Variants in ARHGAP26 observed in about 807,000 individuals in gnomAD.
ARHGAP26 encodes Rho GTPase activating protein 26, also known as rho GTPase-activating protein 26.
Under a neutral mutation model 104.8 loss-of-function variants are expected in ARHGAP26, and 38 were observed. The observed-to-expected ratio is 0.36, with a 90% confidence interval of 0.28 to 0.48. ARHGAP26 has a LOEUF of 0.48. Among genes scored for constraint, ARHGAP26 ranks in the 20% least tolerant of loss-of-function variants. ARHGAP26 has a pLI of 0.99. For missense variants in ARHGAP26, 704 were observed against 947.9 expected (o/e 0.74, Z 3.38); for synonymous variants, 341 against 340.0 (o/e 1.00, Z -0.03).
At chr5:143,182,905 T>C (rs1804591229) in intron 20 of ARHGAP26, among the ~76,000 whole-genome samples, 1 of 152,122 alleles carries the variant, frequency 6.6e-6, no homozygotes. Flanking sequence ...CTCCTAATCC[T>C]GTGTGACATA....
intron 20 of ARHGAP26, chr5:143,165,089 C>T (rs1432571308): frequency 6.6e-6 from 1 of 152,180 alleles, no homozygotes; most frequent in Non-Finnish European, 1.5e-5. Flanking sequence ...GCCCGTGTGC[C>T]GAACTAGGAA....
chr5:142,888,294 G>C (rs1758006696), intron 5 of ARHGAP26, among the ~76,000 whole-genome samples: 1 of 152,156 alleles, frequency 6.6e-6, no homozygotes, highest in Non-Finnish European at 1.5e-5. Context: ...GTCTCTATCT[G>C]GGGAGGGATG....
chr5:142,820,167 A>T (rs530567851), intron 1 of ARHGAP26, among the ~76,000 whole-genome samples: 1 of 152,338 alleles, frequency 6.6e-6, no homozygotes, highest in South Asian at 2.1e-4. Context: ...TGAGGAGTGC[A>T]GGTGGTTCTC....
chr5:142,786,474 G>C (rs575715080), intron 1 of ARHGAP26, among the ~76,000 whole-genome samples: 2 of 151,598 alleles, frequency 1.3e-5, no homozygotes, highest in Non-Finnish European at 2.9e-5. Flanking sequence ...GTTTAAAAAA[G>C]TGTTTTTAGA....
At chr5:143,039,133 C>A (rs1783082379) in intron 13 of ARHGAP26, among the ~76,000 whole-genome samples, 2 of 152,030 alleles carry the variant, frequency 1.3e-5, no homozygotes, top group South Asian at 4.2e-4. Flanking sequence ...TACTGTTTCC[C>A]TTTGACTCAT....
intron 1 of ARHGAP26, among the ~76,000 whole-genome samples, chr5:142,815,366 T>A (rs1207149090): frequency 1.3e-5 from 2 of 152,212 alleles, no homozygotes; most frequent in Admixed American, 1.3e-4. Flanking sequence ...TTATGCTTGC[T>A]TTTCTATTTC....
chr5:142,978,794 A>G (rs1773510540), intron 11 of ARHGAP26, among the ~76,000 whole-genome samples: 1 of 151,458 alleles, frequency 6.6e-6, no homozygotes, highest in Non-Finnish European at 1.5e-5. Flanking sequence ...CAAGATAAAA[A>G]ATTGGGGGAA....
chr5:143,041,963 G>A (rs1783534123), intron 14 of ARHGAP26, 73 bp downstream of exon 14: 2 of 1,293,494 alleles, frequency 1.5e-6, no homozygotes, highest in Non-Finnish European at 2.2e-6. Flanking sequence ...CCAGGTCTGT[G>A]AGTAGATACA....
At chr5:142,876,843 C>A (rs1756193264) in intron 3 of ARHGAP26, among the ~76,000 whole-genome samples, 1 of 149,908 alleles carries the variant, frequency 6.7e-6, no homozygotes, top group Admixed American at 6.6e-5. Flanking sequence ...AACCTCTTAC[C>A]TTTTGCCCTA....
rs115542403 is a variant in ARHGAP26, at chr5:143,027,937, C to T, written c.1145-9259C>T. ...ATTTCTACAAGTGCACTCTTGTTCA[C>T]TGGAGTTGAGAGCCGCTACTGGAAT... On this transcript the variant is annotated intron_variant, in intron 12 of 22. Transcript: ENST00000645722. Among the ~76,000 whole-genome samples the T allele has an allele frequency of 8.6e-3, 1,302 of 152,202 alleles. 9 individuals carry two copies. Among genetic ancestry groups the T allele is most frequent in the Non-Finnish European group, 0.013 (868 of 68,010 alleles).
chr5:143,014,666 G>C (rs895734733), intron 12 of ARHGAP26, among the ~76,000 whole-genome samples: 1 of 152,212 alleles, frequency 6.6e-6, no homozygotes, highest in Non-Finnish European at 1.5e-5. Context: ...TCTGTAGACT[G>C]TAGTGCATTT....
intron 20 of ARHGAP26, among the ~76,000 whole-genome samples, chr5:143,200,194 G>A (rs558856900): frequency 6.6e-6 from 1 of 152,298 alleles, no homozygotes; most frequent in South Asian, 2.1e-4. Context: ...CAATGTTGGT[G>A]GGGTAATGGT....
intron 5 of ARHGAP26, among the ~76,000 whole-genome samples, chr5:142,887,961 T>C (rs904029646): frequency 1.3e-5 from 2 of 151,912 alleles, no homozygotes; most frequent in African/African-American, 4.8e-5. Flanking sequence ...TGAGACTCTT[T>C]CTCAAAAAAA....
intron 21 of ARHGAP26, among the ~76,000 whole-genome samples, chr5:143,210,682 AC>A (rs1423931095): frequency 2.6e-5 from 4 of 151,882 alleles, no homozygotes; most frequent in Admixed American, 2.0e-4. Context: ...ACCCCTTTCC[AC>A]CTGCCAGTCT....
rs56852430 is a variant in ARHGAP26, at chr5:143,085,044, CAAAAA to C, written c.1538+27316_1538+27320del. On this transcript the variant is annotated intron_variant, in intron 17 of 22. Transcript: ENST00000645722. The stretch of plus-strand genomic sequence containing the variant: ...TGGGCAACAGAGCAAGACTCCATCT[CAAAAA>C]AAAAAAAAAAAAAAAAAAGAAACGC... Among the ~76,000 whole-genome samples, 51 of 61,638 alleles carry C rather than the reference CAAAAA, an allele frequency of 8.3e-4. 1 individual carries two copies. Among genetic ancestry groups the C allele is most frequent in the South Asian group, 6.4e-3 (14 of 2,196 alleles). The allele number at this position is 61,638 out of a possible 152,430, so 40.4% of individuals were successfully genotyped here. A position where few individuals can be genotyped will look rare whatever the true frequency, so the allele number is the denominator to read the frequency against.
At chr5:142,897,702 G>A (rs1348298269) in intron 6 of ARHGAP26, among the ~76,000 whole-genome samples, 1 of 152,222 alleles carries the variant, frequency 6.6e-6, no homozygotes, top group African/African-American at 2.4e-5. Context: ...CGTGCTAAGC[G>A]CTTTACCTAC....
At chr5:143,158,819 T>C (rs1336072339) in intron 20 of ARHGAP26, among the ~76,000 whole-genome samples, 2 of 152,230 alleles carry the variant, frequency 1.3e-5, no homozygotes, top group Non-Finnish European at 2.9e-5. Flanking sequence ...TATTACCTCT[T>C]GTTGCCCTAT....
At chr5:142,912,114 A>G (rs1761912654) in intron 9 of ARHGAP26, among the ~76,000 whole-genome samples, 1 of 152,216 alleles carries the variant, frequency 6.6e-6, no homozygotes, top group Admixed American at 6.5e-5. Flanking sequence ...ACAAATTCCT[A>G]AGTGACAGTA....
intron 11 of ARHGAP26, among the ~76,000 whole-genome samples, chr5:142,949,220 AG>A (rs377329657): frequency 0.062 from 1,066 of 17,176 alleles, 201 homozygotes; most frequent in East Asian, 0.22. Context: ...AGAGAGAGAG[AG>A]GAGAGAGAGA....
Sources: gnomAD v4.1 joint callset for allele counts (sites outside exome capture counted in the v4.1 genomes callset) on GRCh38, gnomAD v4.1.1 for gene constraint, MANE v1.5 for transcripts, NCBI Gene and HGNC (gene_info 2026-07-23, HGNC 2026-07-21) for gene names.